SLC25A48: variants seen among roughly 807,000 people sequenced by gnomAD.
SLC25A48 encodes CTC-321K16.1.
In SLC25A48, 29 loss-of-function variants were observed where a neutral mutation model predicts 32.2. The observed-to-expected ratio is 0.90, with a 90% CI of 0.67 to 1.23. The LOEUF (loss-of-function observed/expected upper bound fraction) is 1.23, where lower values mean the gene tolerates loss of function less well. SLC25A48 is among the 50% of genes most tolerant of loss of function. The probability of loss-of-function intolerance (pLI) is 0.00; values close to 1 mark genes in which losing one functional copy is unlikely to be tolerated. For synonymous variants in SLC25A48, 164 were observed against 172.3 expected (o/e 0.95, Z 0.38); for missense variants, 399 against 422.7 (o/e 0.94, Z 0.49).
At chr5:135,754,530 C>T (rs1443036260) in intron 3 of SLC25A48, among the ~76,000 whole-genome samples, 1 of 150,436 alleles carries the variant, frequency 6.6e-6, no homozygotes, top group East Asian at 2.0e-4. Context: ...AATAAAGTAT[C>T]ATTCTGATAT....
At chr5:135,710,578 C>T (rs1042480698) in intron 3 of SLC25A48, among the ~76,000 whole-genome samples, 16 of 152,360 alleles carry the variant, frequency 1.1e-4, no homozygotes, top group African/African-American at 3.8e-4. Flanking sequence ...AGTTGCCTTA[C>T]CTCTCTGGAG....
In SLC25A48 at chr5:135,879,959, T is replaced by C. The variant is rs1331102948; in HGVS notation, c.814-9T>C. The C allele has an allele frequency of 2.6e-6, 4 of 1,536,098 alleles. No individual in the cohort carries two copies. In the African/African-American group the frequency reaches 4.1e-5, roughly 16 times the overall value. Reference sequence around the variant, plus strand: ...CAGTCCCCTGCAATAACCTGGCCCCTGTGCAAAGGTGTTTTTCAGAGGCAT... The same window carrying C: ...CAGTCCCCTGCAATAACCTGGCCCCCGTGCAAAGGTGTTTTTCAGAGGCAT... On this transcript the variant is annotated splice_polypyrimidine_tract_variant and intron_variant, in intron 6 of 7. Coordinates refer to ENST00000681962, the MANE Select transcript of SLC25A48 (RefSeq NM_001349336.2).
intron 3 of SLC25A48, among the ~76,000 whole-genome samples, chr5:135,770,966 A>G (rs1561484756): frequency 6.6e-6 from 1 of 151,916 alleles, no homozygotes; most frequent in Admixed American, 6.6e-5. Flanking sequence ...ACCCCCTGTT[A>G]TATTGTTCCT....
At chr5:135,871,784 T>A (rs745324492) in intron 5 of SLC25A48, 66 bp downstream of exon 5, 7 of 1,592,766 alleles carry the variant, frequency 4.4e-6, no homozygotes, top group Middle Eastern at 3.4e-4. Flanking sequence ...GCTGGGGAAC[T>A]GCCATGCCCT....
chr5:135,766,315 G>A (rs938480815), intron 3 of SLC25A48, among the ~76,000 whole-genome samples: 5 of 150,000 alleles, frequency 3.3e-5, no homozygotes, highest in Non-Finnish European at 7.4e-5. Flanking sequence ...TTCATATTGC[G>A]GTGGTGTACA....
chr5:135,742,662 G>C (rs1370020229), intron 3 of SLC25A48: 3 of 561,972 alleles, frequency 5.3e-6, no homozygotes, highest in African/African-American at 1.9e-5. Flanking sequence ...CAGTAAGCTA[G>C]GAAGAGCTAA....
intron 3 of SLC25A48, among the ~76,000 whole-genome samples, chr5:135,696,331 A>C (rs1036256627): frequency 6.6e-6 from 1 of 152,156 alleles, no homozygotes; most frequent in African/African-American, 2.4e-5. Flanking sequence ...TTAATGCAAA[A>C]CTTGATAGTA....
rs578092845 is a variant in SLC25A48 at position 135,666,744 on chromosome 5, T to C, written c.-521+31788T>C. On this transcript the variant is annotated intron_variant, in intron 3 of 10. Transcript: ENST00000646290. Reference sequence around the variant, plus strand: ...ATTTTAGGAACCCAATTGAGAGTTGTAAGGAATCTGGGGATCATAGTTGCT... The same window carrying C: ...ATTTTAGGAACCCAATTGAGAGTTGCAAGGAATCTGGGGATCATAGTTGCT... Among the ~76,000 whole-genome samples, 40 of 152,246 alleles carry C rather than the reference T, an allele frequency of 2.6e-4. 1 individual carries two copies. Among genetic ancestry groups the C allele is most frequent in the Admixed American group, 5.2e-4 (8 of 15,294 alleles).
At chr5:135,724,236 T>A (rs529144077) in intron 3 of SLC25A48, among the ~76,000 whole-genome samples, 1 of 152,362 alleles carries the variant, frequency 6.6e-6, no homozygotes, top group South Asian at 2.1e-4. Context: ...CATCATTATT[T>A]TGTTTAATGC....
intron 3 of SLC25A48, among the ~76,000 whole-genome samples, chr5:135,680,182 A>G (rs1422803830): frequency 6.6e-6 from 1 of 152,164 alleles, no homozygotes; most frequent in African/African-American, 2.4e-5. Context: ...TCTACTAACT[A>G]TCTTGGTTCT....
At chr5:135,710,647 A>G (rs1211043743) in intron 3 of SLC25A48, among the ~76,000 whole-genome samples, 2 of 152,220 alleles carry the variant, frequency 1.3e-5, no homozygotes, top group Non-Finnish European at 2.9e-5. Context: ...GTATTTTCAA[A>G]TTAGACTTAA....
At chr5:135,798,236 C>T (rs1757235792) in intron 3 of SLC25A48, among the ~76,000 whole-genome samples, 2 of 151,488 alleles carry the variant, frequency 1.3e-5, no homozygotes, top group Non-Finnish European at 3.0e-5. Flanking sequence ...CCTAATTACT[C>T]AGATGGTTAC....
chr5:135,804,486 T>C (rs947127476), intron 3 of SLC25A48, among the ~76,000 whole-genome samples: 1 of 151,718 alleles, frequency 6.6e-6, no homozygotes, highest in African/African-American at 2.4e-5. Context: ...ATGTAATACA[T>C]CTAATATCAT....
intron 3 of SLC25A48, among the ~76,000 whole-genome samples, chr5:135,723,085 G>T (rs1754999584): frequency 6.6e-6 from 1 of 152,194 alleles, no homozygotes; most frequent in African/African-American, 2.4e-5. Flanking sequence ...GAAGGAGCCA[G>T]CCCCTGTGCA....
At chr5:135,767,962 G>A (rs966527752) in intron 3 of SLC25A48, among the ~76,000 whole-genome samples, 1 of 146,946 alleles carries the variant, frequency 6.8e-6, no homozygotes, top group Non-Finnish European at 1.5e-5. Flanking sequence ...TATCCGGGGG[G>A]GGGAGAGGAT....
chr5:135,656,884 C>A (rs1037303641), intron 3 of SLC25A48, among the ~76,000 whole-genome samples: 2 of 152,194 alleles, frequency 1.3e-5, no homozygotes, highest in African/African-American at 4.8e-5. Context: ...CAAGGCCCTG[C>A]AGACACCTTG....
intron 2 of SLC25A48, among the ~76,000 whole-genome samples, chr5:135,842,775 C>T (rs1659693603): frequency 6.6e-6 from 1 of 152,154 alleles, no homozygotes; most frequent in Non-Finnish European, 1.5e-5. Flanking sequence ...CTGGGATGTT[C>T]CCTAGAAAGG....
At chr5:135,653,915 A>G (rs972772856) in intron 3 of SLC25A48, 1 of 456,254 alleles carries the variant, frequency 2.2e-6, no homozygotes, top group South Asian at 1.5e-5. Flanking sequence ...CAGGGTTCTC[A>G]TAGGGAATGT....
At chr5:135,740,883 C>T (rs541311164) in intron 3 of SLC25A48, among the ~76,000 whole-genome samples, 39 of 152,258 alleles carry the variant, frequency 2.6e-4, no homozygotes, top group African/African-American at 7.9e-4. Context: ...GGATTACAGG[C>T]GTGAGCCACT....
Sources: allele counts gnomAD v4.1 joint callset (sites outside exome capture counted in the v4.1 genomes callset), GRCh38; gene constraint gnomAD v4.1.1; transcripts MANE v1.5; gene names NCBI Gene and HGNC (gene_info 2026-07-23, HGNC 2026-07-21).